SRPK2: variants seen among roughly 807,000 people sequenced by gnomAD.
SRPK2 encodes the protein SRSF protein kinase 2, also known as SFRS protein kinase 2.
SRPK2 carries 21 observed loss-of-function variants against 90.8 expected under a neutral mutation model. The observed-to-expected ratio is 0.23, with a 90% confidence interval of 0.16 to 0.33. The LOEUF (loss-of-function observed/expected upper bound fraction) is 0.33. Among genes scored for constraint, SRPK2 ranks in the 10% least tolerant of loss-of-function variants. The pLI is 1.00. For synonymous variants in SRPK2, 288 were observed against 311.1 expected (o/e 0.93, Z 0.78); for missense variants, 620 against 869.0 (o/e 0.71, Z 3.60).
chr7:105,357,616 C>T (rs911824253), intron 2 of SRPK2, among the ~76,000 whole-genome samples: 8 of 151,978 alleles, frequency 5.3e-5, no homozygotes, highest in African/African-American at 1.7e-4. Context: ...CGGTGGTGTG[C>T]GCTTGTTACC....
At chr7:105,347,453 T>C (rs992620103) in intron 2 of SRPK2, among the ~76,000 whole-genome samples, 6 of 152,076 alleles carry the variant, frequency 3.9e-5, no homozygotes, top group African/African-American at 1.4e-4. Flanking sequence ...CCTCTCAAAG[T>C]GCTGGGATCA....
intron 2 of SRPK2, among the ~76,000 whole-genome samples, chr7:105,275,015 A>G (rs6954830): frequency 0.41 from 62,545 of 151,524 alleles, 14,820 homozygotes; most frequent in Non-Finnish European, 0.53. Flanking sequence ...AGCCTCCGGG[A>G]TAGCTGGGAT....
intron 2 of SRPK2, among the ~76,000 whole-genome samples, chr7:105,218,934 AT>A (rs202062361): frequency 1.3e-5 from 2 of 152,142 alleles, no homozygotes; most frequent in South Asian, 2.1e-4. Flanking sequence ...AAATTCAACA[AT>A]TTTTTTTAAA....
At chr7:105,321,760 T>C (rs1812966928) in intron 2 of SRPK2, among the ~76,000 whole-genome samples, 1 of 152,106 alleles carries the variant, frequency 6.6e-6, no homozygotes, top group Non-Finnish European at 1.5e-5. Context: ...CCCACAAGGA[T>C]GGCTAATGAT....
chr7:105,258,458 G>C (rs1803696649), intron 2 of SRPK2, among the ~76,000 whole-genome samples: 1 of 151,270 alleles, frequency 6.6e-6, no homozygotes, highest in African/African-American at 2.4e-5. Flanking sequence ...GCACAGTGTG[G>C]AGTGCAAATG....
intron 3 of SRPK2, among the ~76,000 whole-genome samples, chr7:105,183,239 ACT>A (rs1489511782): frequency 6.6e-6 from 1 of 152,186 alleles, no homozygotes; most frequent in African/African-American, 2.4e-5. Flanking sequence ...ATATACTGAT[ACT>A]GATTTTTCAG....
chr7:105,387,581 C>G (rs572516409), intron 2 of SRPK2, among the ~76,000 whole-genome samples: 7 of 149,278 alleles, frequency 4.7e-5, no homozygotes, highest in Non-Finnish European at 8.9e-5. Context: ...CCAAGGCCAA[C>G]GAGAAGGGGA....
intron 2 of SRPK2, among the ~76,000 whole-genome samples, chr7:105,296,775 G>A (rs1207553567): frequency 3.3e-5 from 5 of 152,154 alleles, no homozygotes; most frequent in African/African-American, 9.7e-5. Flanking sequence ...TGTTGTGGGG[G>A]CTTACTACTT....
At chr7:105,382,775 T>A (rs1165913750) in intron 2 of SRPK2, among the ~76,000 whole-genome samples, 1 of 152,158 alleles carries the variant, frequency 6.6e-6, no homozygotes, top group Non-Finnish European at 1.5e-5. Context: ...CTGTTCTTTG[T>A]GGTAATGAAA....
chr7:105,266,353 A>G (rs1232247727), intron 2 of SRPK2, among the ~76,000 whole-genome samples: 1 of 152,174 alleles, frequency 6.6e-6, no homozygotes, highest in African/African-American at 2.4e-5. Flanking sequence ...GAGATGAAAA[A>G]TTACTAGAAA....
At chr7:105,297,002 A>G (rs969968017) in intron 2 of SRPK2, among the ~76,000 whole-genome samples, 2 of 152,182 alleles carry the variant, frequency 1.3e-5, no homozygotes, top group South Asian at 4.1e-4. Flanking sequence ...GGTTCAGAAT[A>G]ATGTGTGGTG....
chr7:105,312,381 G>A (rs552911309), intron 2 of SRPK2, among the ~76,000 whole-genome samples: 8 of 134,182 alleles, frequency 6.0e-5, no homozygotes, highest in African/African-American at 1.4e-4. Flanking sequence ...CGGAGCTTGC[G>A]GTGAGCCGAG....
intron 2 of SRPK2, among the ~76,000 whole-genome samples, chr7:105,258,659 A>T (rs1010558403): frequency 1.3e-5 from 2 of 152,184 alleles, no homozygotes; most frequent in Non-Finnish European, 2.9e-5. Flanking sequence ...AACTGAATCC[A>T]GCAGCACATC....
chr7:105,173,921 T>C (rs948041418), intron 3 of SRPK2, among the ~76,000 whole-genome samples: 2 of 142,902 alleles, frequency 1.4e-5, no homozygotes, highest in African/African-American at 5.8e-5. Context: ...TGTGTGTTGG[T>C]GTTTTTTTTT....
intron 7 of SRPK2, among the ~76,000 whole-genome samples, chr7:105,158,878 T>C (rs911781592): frequency 1.3e-5 from 2 of 151,824 alleles, no homozygotes; most frequent in South Asian, 2.1e-4. Flanking sequence ...CTAGTCTTAT[T>C]TGGGGATCAA....
At chr7:105,320,679 T>C (rs1316286154) in intron 2 of SRPK2, among the ~76,000 whole-genome samples, 1 of 152,224 alleles carries the variant, frequency 6.6e-6, no homozygotes, top group Non-Finnish European at 1.5e-5. Context: ...AAAACCAAAC[T>C]GTGGCCAAAG....
chr7:105,365,445 C>A (rs1490918840), intron 2 of SRPK2, among the ~76,000 whole-genome samples: 3 of 139,696 alleles, frequency 2.1e-5, no homozygotes, highest in Non-Finnish European at 4.5e-5. Flanking sequence ...GAGATTGCAC[C>A]ATTGCATTTC....
At chr7:105,212,933 T>A (rs1174019445) in intron 2 of SRPK2, among the ~76,000 whole-genome samples, 1 of 152,074 alleles carries the variant, frequency 6.6e-6, no homozygotes, top group Non-Finnish European at 1.5e-5. Context: ...AACAATTAGG[T>A]ATTACAACTA....
At chr7:105,237,573 C>T (rs1800290217) in intron 2 of SRPK2, among the ~76,000 whole-genome samples, 2 of 152,202 alleles carry the variant, frequency 1.3e-5, no homozygotes, top group East Asian at 3.8e-4. Context: ...CTACTTAAAT[C>T]TCAAATTCAA....
Sources: gnomAD v4.1 joint callset for allele counts (sites outside exome capture counted in the v4.1 genomes callset) on GRCh38, gnomAD v4.1.1 for gene constraint, MANE v1.5 for transcripts, NCBI Gene and HGNC (gene_info 2026-07-23, HGNC 2026-07-21) for gene names.